The following RALYL variants were observed in gnomAD, a reference collection of about 807,000 sequenced individuals.
RALYL encodes the protein RNA-binding Raly-like protein.
A neutral mutation model predicts 35.1 loss-of-function variants in RALYL; 29 were observed. The ratio of observed to expected loss-of-function variants is 0.83; its 90% confidence interval spans 0.61 to 1.13. The LOEUF (loss-of-function observed/expected upper bound fraction) is 1.13. Ranked by LOEUF, RALYL falls within the 50% of genes most tolerant of loss-of-function variation. The pLI is 0.00. For missense variants in RALYL, 359 were observed against 360.4 expected (o/e 1.00, Z 0.03); for synonymous variants, 120 against 127.6 (o/e 0.94, Z 0.40).
At chr8:84,194,968 T>C (rs1461037443) in intron 1 of RALYL, among the ~76,000 whole-genome samples, 1 of 152,032 alleles carries the variant, frequency 6.6e-6, no homozygotes, top group African/African-American at 2.4e-5. Context: ...GGAGATACTT[T>C]GATTGGTACA....
In RALYL at chr8:84,812,171, TC is replaced by T. The variant is rs537551873; in HGVS notation, c.365+7370del. Among the ~76,000 whole-genome samples, 75 of 152,234 alleles carry T rather than the reference TC, an allele frequency of 4.9e-4. 1 individual carries two copies. The South Asian group carries it at 0.014, about 29-fold the overall frequency. ...TAGGGCTGAAGGCTGTTGTCCAGAT[TC>T]TTTTGTCCCACAGGGAGTTCTCTTG... On this transcript the variant is annotated intron_variant, in intron 4 of 8. Coordinates refer to ENST00000521268, the MANE Select transcript of RALYL (RefSeq NM_173848.7).
chr8:84,279,469 T>G (rs1836111884), intron 1 of RALYL, among the ~76,000 whole-genome samples: 1 of 152,226 alleles, frequency 6.6e-6, no homozygotes, highest in African/African-American at 2.4e-5. Flanking sequence ...GTAAGTGTTA[T>G]GAAAGAAAAT....
chr8:84,318,114 G>A (rs190996958), intron 1 of RALYL, among the ~76,000 whole-genome samples: 168 of 152,080 alleles, frequency 1.1e-3, no homozygotes, highest in African/African-American at 3.9e-3. Context: ...TCATTTGTAG[G>A]GTCTACTGTA....
intron 4 of RALYL, among the ~76,000 whole-genome samples, chr8:84,813,429 C>T (rs1191778716): frequency 6.6e-6 from 1 of 152,166 alleles, no homozygotes; most frequent in Non-Finnish European, 1.5e-5. Flanking sequence ...TCTAGTCCTG[C>T]CTCCCATTCC....
chr8:84,435,168 G>A (rs1242420362), intron 1 of RALYL, among the ~76,000 whole-genome samples: 1 of 152,078 alleles, frequency 6.6e-6, no homozygotes, highest in African/African-American at 2.4e-5. Context: ...TGATGTGGAG[G>A]ATTCTGTGAT....
chr8:84,475,694 G>GA (rs1246276071), intron 1 of RALYL, among the ~76,000 whole-genome samples: 6 of 151,632 alleles, frequency 4.0e-5, no homozygotes, highest in Non-Finnish European at 2.9e-5. Flanking sequence ...TTTGGTAAAA[G>GA]AAAAAAAAGG....
At chr8:84,706,772 A>G (rs1026192421) in intron 2 of RALYL, among the ~76,000 whole-genome samples, 1 of 152,176 alleles carries the variant, frequency 6.6e-6, no homozygotes, top group African/African-American at 2.4e-5. Context: ...TTGTTATAAC[A>G]CTATTTTACG....
chr8:84,622,792 T>C (rs1318147993), intron 2 of RALYL, among the ~76,000 whole-genome samples: 1 of 152,146 alleles, frequency 6.6e-6, no homozygotes. Flanking sequence ...GAAACAACAA[T>C]ACTGTTTAAT....
At chr8:84,295,019 G>A (rs370745164) in intron 1 of RALYL, among the ~76,000 whole-genome samples, 3 of 152,172 alleles carry the variant, frequency 2.0e-5, no homozygotes, top group African/African-American at 2.4e-5. Flanking sequence ...CTATTGTCAC[G>A]TATGATCTCT....
At chr8:84,544,928 T>C (rs2060257830) in intron 2 of RALYL, among the ~76,000 whole-genome samples, 1 of 152,056 alleles carries the variant, frequency 6.6e-6, no homozygotes, top group South Asian at 2.1e-4. Flanking sequence ...TTATTATAAG[T>C]GAAATCAGTT....
intron 3 of RALYL, among the ~76,000 whole-genome samples, chr8:84,796,142 C>T (rs1437560681): frequency 1.3e-5 from 2 of 152,160 alleles, no homozygotes; most frequent in African/African-American, 4.8e-5. Flanking sequence ...CTTCTTTGCG[C>T]AGATGGAGGT....
intron 2 of RALYL, among the ~76,000 whole-genome samples, chr8:84,711,954 T>C (rs553491140): frequency 3.9e-5 from 6 of 152,200 alleles, no homozygotes; most frequent in Non-Finnish European, 8.8e-5. Flanking sequence ...TTGATCTTTT[T>C]TGTTACCTAA....
intron 1 of RALYL, chr8:84,185,197 C>G (rs1471768933): frequency 1.5e-6 from 1 of 668,112 alleles, no homozygotes; most frequent in Non-Finnish European, 2.7e-6. Context: ...TTGAGGACGA[C>G]GCTGTTAGTT....
chr8:84,583,239 A>G, intron 2 of RALYL, among the ~76,000 whole-genome samples: 1 of 152,182 alleles, frequency 6.6e-6, no homozygotes. Flanking sequence ...GATTAGGTTA[A>G]GAATGATTTG....
intron 4 of RALYL, among the ~76,000 whole-genome samples, chr8:84,849,681 C>A (rs1835416895): frequency 6.6e-6 from 1 of 151,870 alleles, no homozygotes; most frequent in South Asian, 2.1e-4. Context: ...GCCTCAGCCT[C>A]CCGTGTAGCT....
At chr8:84,526,103 C>T (rs2058875271) in intron 1 of RALYL, among the ~76,000 whole-genome samples, 1 of 151,726 alleles carries the variant, frequency 6.6e-6, no homozygotes, top group African/African-American at 2.4e-5. Flanking sequence ...CAGGTGTGCA[C>T]CACCACACTT....
At chr8:84,499,629 C>G (rs1388155578) in intron 1 of RALYL, among the ~76,000 whole-genome samples, 1 of 151,758 alleles carries the variant, frequency 6.6e-6, no homozygotes, top group East Asian at 1.9e-4. Flanking sequence ...GGTGTTTCCT[C>G]ATGTTTCTAG....
intron 2 of RALYL, among the ~76,000 whole-genome samples, chr8:84,666,333 C>T (rs1267215698): frequency 6.6e-6 from 1 of 151,968 alleles, no homozygotes; most frequent in Admixed American, 6.6e-5. Flanking sequence ...ACAAAATATA[C>T]ATACGAAAAT....
intron 2 of RALYL, 111 bp downstream of exon 2, chr8:84,529,688 G>A: frequency 1.2e-6 from 1 of 805,584 alleles, no homozygotes; most frequent in Non-Finnish European, 1.8e-6. Flanking sequence ...TAACCAATTA[G>A]AGTGATTTTA....
Sources: allele counts gnomAD v4.1 joint callset (sites outside exome capture counted in the v4.1 genomes callset), GRCh38; gene constraint gnomAD v4.1.1; transcripts MANE v1.5; gene names NCBI Gene and HGNC (gene_info 2026-07-23, HGNC 2026-07-21).